Variants in IGFALS observed in about 807,000 individuals in gnomAD.
The protein encoded by IGFALS is insulin-like growth factor-binding protein complex acid labile subunit.
In IGFALS, 2 loss-of-function variants were observed where a neutral mutation model predicts 2.6. The observed-to-expected ratio is 0.77, with a 90% confidence interval of 0.32 to 2.44. The LOEUF (loss-of-function observed/expected upper bound fraction) is 2.44, where lower values mean the gene tolerates loss of function less well. IGFALS is among the 30% of genes most tolerant of loss of function. IGFALS has a pLI of 0.11. For missense variants in IGFALS, 996 were observed against 848.7 expected (o/e 1.17, Z -2.16); for synonymous variants, 519 against 431.9 (o/e 1.20, Z -2.50).
chr16:1,793,758 T>A, upstream of IGFALS: 1 of 1,223,850 alleles, frequency 8.2e-7, no homozygotes, highest in Non-Finnish European at 1.1e-6. Flanking sequence ...CCCGCGCCTG[T>A]CACCTGGCTG....
In IGFALS at chr16:1,792,194, C is replaced by A. The variant is rs761832755; in HGVS notation, c.224G>T (p.Gly75Val). The A allele has an allele frequency of 6.8e-6, 11 of 1,610,316 alleles. No homozygotes were observed. The highest frequency in any genetic ancestry group is 8.5e-6 in the Non-Finnish European group (10 of 1,179,630). Residue 75 changes from glycine (G) to valine (V), a missense_variant, in exon 2 of 2, where the codon GGC becomes GTC. Physicochemically the swap from Gly to Val is moderately radical, Grantham distance 109. Transcript: ENST00000215539. ...LTRLPDGVPG[G>V]TQALWLDGNN... ...GCCGTCCAGCCACAGGGCTTGGGTG[C>A]CGCCCGGGACTCCATCAGGCAGGCG...
At chr16:1,793,762 C>T (rs1897282386), upstream of IGFALS, 1 of 1,158,074 alleles carries the variant, frequency 8.6e-7, no homozygotes, top group East Asian at 2.7e-5. Flanking sequence ...CGCCTGTCAC[C>T]TGGCTGGCCC....
rs776277033 is a variant in IGFALS, at chr16:1,791,996, G to A, written c.422C>T (p.Thr141Met). 39 of 1,608,264 alleles carry A rather than the reference G, an allele frequency of 2.4e-5. No individual in the cohort carries two copies. The highest frequency in any genetic ancestry group is 3.1e-5 in the Non-Finnish European group (37 of 1,178,914). Residue 141 changes from threonine (T) to methionine (M), a missense_variant, in exon 2 of 2, where the codon ACG (threonine) becomes ATG (methionine). Physicochemically the swap from Thr to Met is moderately conservative, Grantham distance 81 (BLOSUM62 -1). Transcript: ENST00000215539. ...GGCCAGCGCGGGCGTGTGTGCAAAC[G>A]TGCCGAGTGCCAGGCTGCGCAGCTG... ...RNQLRSLALGTFAHTPALASL... is the reference protein window; with the variant it reads ...RNQLRSLALGMFAHTPALASL...
chr16:1,794,768 G>A (rs1024128198), upstream of IGFALS: 19 of 690,062 alleles, frequency 2.8e-5, no homozygotes, highest in Admixed American at 6.1e-5. Context: ...GGGTGCAGGC[G>A]GGGGCACAGC....
At chr16:1,793,979 A>T (rs1405087219), upstream of IGFALS, among the ~76,000 whole-genome samples, 1 of 151,722 alleles carries the variant, frequency 6.6e-6, no homozygotes, top group Non-Finnish European at 1.5e-5. Context: ...TGGGGTGGGG[A>T]CCCCTTGCAG....
chr16:1,792,433 G>A (rs772842987), intron 1 of IGFALS, 32 bp from the exon 2 acceptor site: 22 of 1,516,924 alleles, frequency 1.5e-5, no homozygotes, highest in Admixed American at 8.1e-5. Flanking sequence ...GAGGCGGCCC[G>A]AGGAGGGCTC....
chr16:1,792,375 G>GC lies in IGFALS; in HGVS notation c.42dup (p.Leu15AlafsTer37). On this transcript the variant is annotated frameshift_variant, in exon 2 of 2. Coordinates refer to ENST00000215539, the MANE Select transcript of IGFALS (RefSeq NM_004970.3). LOFTEE classifies it low-confidence loss of function (END_TRUNC). ...CGGGGGCCCAGTGCCACCCAGGACA[G>GC]CAGCAGCAGCGCCAGGGCCAGGCCT... 6.3e-7 allele frequency: 1 copy of GC among 1,577,902 alleles called. No homozygotes were observed. Among genetic ancestry groups the GC allele is most frequent in the Non-Finnish European group, 8.6e-7 (1 of 1,165,868 alleles).
chr16:1,790,544 A>G lies in IGFALS; in HGVS notation c.*56T>C. 6.9e-7 allele frequency: 1 copy of G among 1,448,838 alleles called. No individual in the cohort carries two copies. Among genetic ancestry groups the G allele is most frequent in the Non-Finnish European group, 9.5e-7 (1 of 1,057,292 alleles). 89.7% of individuals were successfully genotyped at this position (1,448,838 alleles called of 1,614,324 possible). On this transcript the variant is annotated 3_prime_UTR_variant, in exon 2 of 2. Transcript: ENST00000215539. ...CTGAGGACACTGAGGACCTGTCCCCAGCACAAGGTGAGCCAGGTGGGGGCC... is the reference window on the plus strand; with the variant it reads ...CTGAGGACACTGAGGACCTGTCCCCGGCACAAGGTGAGCCAGGTGGGGGCC...
At position 1,790,437 on chromosome 16, in the gene IGFALS, A is replaced by G; in HGVS notation, c.*163T>C. The G allele has an allele frequency of 1.4e-6, 1 of 693,042 alleles. No individual in the cohort carries two copies. The highest frequency in any genetic ancestry group is 2.6e-6 in the Non-Finnish European group (1 of 385,818). The allele number at this position is 693,042 out of a possible 1,614,324, so 42.9% of individuals were successfully genotyped here. The stretch of plus-strand genomic sequence containing the variant: ...GTTAGATTCGATTGCCTTTGCCTTT[A>G]ATTGATGACAGCTGGGGGGGCCGCC... On this transcript the variant is annotated 3_prime_UTR_variant, in exon 2 of 2. Transcript: ENST00000215539.
In IGFALS at chr16:1,791,093, G is replaced by T; in HGVS notation, c.1325C>A (p.Thr442Asn). Residue 442 changes from threonine to asparagine, a missense_variant, in exon 2 of 2, where the codon ACC becomes AAC. Physicochemically the swap from Thr to Asn is moderately conservative, Grantham distance 65 (BLOSUM62 0). Coordinates refer to ENST00000215539, the MANE Select transcript of IGFALS (RefSeq NM_004970.3). ...GGGCAGGTGCGTGAGCTGGTTGGAG[G>T]TCAGGTCGAGCTCCAGCAGCTCCGC... is the stretch of plus-strand genomic sequence containing the variant. Reference protein sequence around the residue: ...GLAELLELDLTSNQLTHLPHR... With the variant: ...GLAELLELDLNSNQLTHLPHR... 4 of 1,600,274 alleles carry T rather than the reference G, an allele frequency of 2.5e-6. No individual in the cohort carries two copies. The highest frequency in any genetic ancestry group is 3.4e-6 in the Non-Finnish European group (4 of 1,179,740).
chr16:1,790,782 C>G lies in IGFALS; in HGVS notation c.1636G>C (p.Ala546Pro). The G allele has an allele frequency of 6.3e-7, 1 of 1,580,148 alleles. No individual in the cohort carries two copies. Among genetic ancestry groups the G allele is most frequent in the Non-Finnish European group, 8.6e-7 (1 of 1,164,830 alleles). ...NPWDCGCPLK[A>P]LRDFALQNPS... ...TTCTGCAGGGCGAAGTCCCGCAGCG[C>G]CTTGAGAGGGCAGCCACAGTCCCAG... Residue 546 changes from alanine to proline, a missense_variant, in exon 2 of 2, where the codon GCG becomes CCG. Coordinates refer to ENST00000215539, the MANE Select transcript of IGFALS (RefSeq NM_004970.3).
chr16:1,792,424 A>G lies in IGFALS; in HGVS notation c.17-23T>C, dbSNP rs541360754. ...CTCCTGCGGGGGGAGAGGCTTGGGG[A>G]GGCGGCCCGAGGAGGGCTCTGCCCG... On this transcript the variant is annotated intron_variant, in intron 1 of 1. Coordinates refer to ENST00000215539, the MANE Select transcript of IGFALS (RefSeq NM_004970.3). The G allele has an allele frequency of 5.9e-6, 9 of 1,524,044 alleles. No individual in the cohort carries two copies. The South Asian group carries it at 1.1e-4, about 19-fold the overall frequency. The allele number at this position is 1,524,044 out of a possible 1,614,324, so 94.4% of individuals were successfully genotyped here. A position where few individuals can be genotyped will look rare whatever the true frequency, so the allele number is the denominator to read the frequency against.
rs1897278883 is a variant in IGFALS at position 1,793,644 on chromosome 16, CAG to C, written c.7_8del (p.Leu3GlufsTer48). Reference sequence around the variant, plus strand: ...GGCACTCGGGGGCCTCACCTTTCCTCAGGGCCATCCTGCATGCAGGGCAGGCT... The same window carrying C: ...GGCACTCGGGGGCCTCACCTTTCCTCGGCCATCCTGCATGCAGGGCAGGCT... MALRKGGLALALL... is the reference protein window; with the variant it reads MAXRKGGLALALL... On this transcript the variant is annotated frameshift_variant, in exon 1 of 2. Coordinates refer to ENST00000215539, the MANE Select transcript of IGFALS (RefSeq NM_004970.3). LOFTEE classifies it low-confidence loss of function (END_TRUNC). 1 of 1,596,840 alleles carries C rather than the reference CAG, an allele frequency of 6.3e-7. No homozygotes were observed. The highest frequency in any genetic ancestry group is 1.3e-5 in the African/African-American group (1 of 74,516).
intron 1 of IGFALS, 114 bp from the exon 2 acceptor site, chr16:1,792,515 G>A (rs778758037): frequency 2.2e-5 from 31 of 1,432,700 alleles, no homozygotes; most frequent in Admixed American, 2.0e-4. Context: ...GAGGTCACCC[G>A]CTGAGATGCG....
rs1328204098 is a variant in IGFALS at position 1,793,683 on chromosome 16, G to T, written c.-31C>A. On this transcript the variant is annotated 5_prime_UTR_variant, in exon 1 of 2. The change creates a new upstream start codon in the 5' untranslated region. Transcript: ENST00000215539. ...ATGCAGGGCAGGCTGCAGGCAGGCA[G>T]CGAGGGAGGGTACGTCTGCTGTGCC... The T allele has an allele frequency of 6.3e-7, 1 of 1,580,784 alleles. No individual in the cohort carries two copies. The highest frequency in any genetic ancestry group is 8.6e-7 in the Non-Finnish European group (1 of 1,162,794).
chr16:1,792,469 C>T (rs1246368973), intron 1 of IGFALS, 68 bp from the exon 2 acceptor site: 8 of 1,470,698 alleles, frequency 5.4e-6, no homozygotes, highest in Non-Finnish European at 6.3e-6. Context: ...GATACCAGCA[C>T]AGCCGGAAGC....
Position 1,790,940 on chromosome 16 carries a change from C to T in IGFALS, c.1478G>A (p.Arg493His), listed in dbSNP as rs200380381. ...GAGGCTGTTGGGCAATGCCTCCAGG[C>T]GGTTGTGCGAGACGTCCAGCCAGAA... is the stretch of plus-strand genomic sequence containing the variant. The part of the protein sequence containing the change: ...RAFWLDVSHN[R>H]LEALPNSLLA... The change falls in exon 2 of 2, where the codon CGC (arginine) becomes CAC (histidine). Residue 493 changes from arginine to histidine, a missense_variant. Coordinates refer to ENST00000215539, the MANE Select transcript of IGFALS (RefSeq NM_004970.3). 4.0e-4 allele frequency: 633 copies of T among 1,594,126 alleles called. No homozygotes were observed. The highest frequency in any genetic ancestry group is 8.7e-4 in the Middle Eastern group (5 of 5,742).
At position 1,792,145 on chromosome 16, in the gene IGFALS, CG is replaced by C. The variant is rs748187828; in HGVS notation, c.272del (p.Pro91ArgfsTer31). On this transcript the variant is annotated frameshift_variant, in exon 2 of 2. Transcript: ENST00000215539. LOFTEE classifies it low-confidence loss of function (END_TRUNC). The part of the protein sequence containing the change: ...LDGNNLSSVP[P>X]AAFQNLSSLG... ...GGCTGGAGAGGTTCTGGAAGGCTGC[CG>C]GGGGGACGGACGAGAGGTTGTTGCC... 7 of 1,611,388 alleles carry C rather than the reference CG, an allele frequency of 4.3e-6. No individual in the cohort carries two copies. In the East Asian group the frequency reaches 1.1e-4, roughly 26 times the overall value.
At position 1,791,398 on chromosome 16, in the gene IGFALS, A is replaced by C. The variant is rs766794132; in HGVS notation, c.1020T>G (p.Leu340=). 8.1e-6 allele frequency: 13 copies of C among 1,610,888 alleles called. No homozygotes were observed. The highest frequency in any genetic ancestry group is 2.2e-5 in the East Asian group (1 of 44,846). Residue 340 remains leucine (L), a synonymous_variant, in exon 2 of 2, where the codon CTT becomes CTG. Transcript: ENST00000215539. Reference sequence around the variant, plus strand: ...GGTTGTGGTCTAGCGTGAGCACCTCAAGCTGCCCCAGGCCCTCAAAGCTGC... The same window carrying C: ...GGTTGTGGTCTAGCGTGAGCACCTCCAGCTGCCCCAGGCCCTCAAAGCTGC... ...AERSFEGLGQ[L]EVLTLDHNQL...
Sources: gnomAD v4.1 joint callset for allele counts (sites outside exome capture counted in the v4.1 genomes callset) on GRCh38, gnomAD v4.1.1 for gene constraint, MANE v1.5 for transcripts, NCBI Gene and HGNC (gene_info 2026-07-23, HGNC 2026-07-21) for gene names.